The following RAB5C variants were observed in gnomAD, a reference collection of about 807,000 sequenced individuals.
RAB5C encodes ras-related protein Rab-5C.
A neutral mutation model predicts 25.2 loss-of-function variants in RAB5C; 4 were observed. The ratio of observed to expected loss-of-function variants is 0.16; its 90% confidence interval spans 0.08 to 0.36. The LOEUF (loss-of-function observed/expected upper bound fraction) is 0.36. Ranked by LOEUF, RAB5C falls within the 10% of genes least tolerant of loss-of-function variation. RAB5C has a pLI of 1.00. For missense variants in RAB5C, 199 were observed against 283.8 expected (o/e 0.70, Z 2.15); for synonymous variants, 100 against 106.4 (o/e 0.94, Z 0.37).
At chr17:42,132,174 G>A (rs1162017821) in intron 1 of RAB5C, among the ~76,000 whole-genome samples, 1 of 152,164 alleles carries the variant, frequency 6.6e-6, no homozygotes, top group Non-Finnish European at 1.5e-5. Flanking sequence ...ACCTCAAATC[G>A]TTTTCCACAT....
intron 1 of RAB5C, among the ~76,000 whole-genome samples, chr17:42,144,919 CCGTCTCAAAAAAAAAAA>C (rs2079623743): frequency 1.4e-5 from 1 of 73,180 alleles, no homozygotes; most frequent in Non-Finnish European, 2.9e-5. Context: ...GAGCCAGACT[CCGTCTCAAAAAAAAAAA>C]AAAAAAAAAA....
chr17:42,130,146 C>T (rs969720571), intron 2 of RAB5C, 191 bp downstream of exon 2: 16 of 692,586 alleles, frequency 2.3e-5, no homozygotes, highest in Non-Finnish European at 3.2e-5. Context: ...TGCTTACTAG[C>T]GATGCTTGAG....
chr17:42,125,952 A>C, intron 5 of RAB5C, 54 bp from the exon 6 acceptor site: 2 of 1,363,708 alleles, frequency 1.5e-6, no homozygotes, highest in Middle Eastern at 1.8e-4. Context: ...TAACTCTCCC[A>C]GTTCCACTGG....
chr17:42,149,185 GC>G (rs1445884214), intron 1 of RAB5C, among the ~76,000 whole-genome samples: 1 of 152,132 alleles, frequency 6.6e-6, no homozygotes, highest in Admixed American at 6.6e-5. Flanking sequence ...CTAAAGCAGT[GC>G]TTCTCAAACA....
chr17:42,130,693 GC>G, intron 1 of RAB5C, 103 bp from the exon 2 acceptor site: 1 of 1,386,782 alleles, frequency 7.2e-7, no homozygotes, highest in Non-Finnish European at 9.5e-7. Context: ...TGAAGACCTA[GC>G]TGACTGCTTC....
rs140009663 is a variant in RAB5C at position 42,150,632 on chromosome 17, G to A, written c.-89+4261C>T. ...CAGCACTCTGGGAGGCCGATGAGGC[G>A]GGCAGATCACCTCACCTGAGGTCAG... On this transcript the variant is annotated intron_variant, in intron 1 of 5. Transcript: ENST00000346213. 5.1e-4 allele frequency among the ~76,000 whole-genome samples: 77 copies of A among 150,190 alleles called. No homozygotes were observed. In the East Asian group the frequency reaches 6.7e-3, roughly 13 times the overall value.
Position 42,128,745 on chromosome 17 carries a change from G to C in RAB5C, c.222C>G (p.Ile74Met). The C allele has an allele frequency of 6.3e-7, 1 of 1,586,428 alleles. No homozygotes were observed. Among genetic ancestry groups the C allele is most frequent in the Non-Finnish European group, 8.6e-7 (1 of 1,167,008 alleles). ...ACCGCTCCTGTCCAGCTGTGTCCCA[G>C]ATCTCAAACTTGACTGTTGTGTCAT... ...CLDDTTVKFE[I>M]WDTAGQERYH... The change falls in exon 3 of 6, where the codon ATC becomes ATG. Residue 74 changes from isoleucine to methionine, a missense_variant. Transcript: ENST00000346213.
At chr17:42,129,080 T>C (rs1281830466) in intron 2 of RAB5C, among the ~76,000 whole-genome samples, 1 of 152,008 alleles carries the variant, frequency 6.6e-6, no homozygotes, top group Non-Finnish European at 1.5e-5. Context: ...GACCACTCTC[T>C]GAAGAGCAAC....
Position 42,130,463 on chromosome 17 carries a change from C to G in RAB5C, c.40G>C (p.Ala14Pro). The G allele has an allele frequency of 6.2e-7, 1 of 1,614,192 alleles. No individual in the cohort carries two copies. Among genetic ancestry groups the G allele is most frequent in the Non-Finnish European group, 8.5e-7 (1 of 1,180,024 alleles). ...AATTGACAGATCTTGTTCCCAGCAG[C>G]TGGTCCATTGGGTCGTGCTGCGCCT... The part of the protein sequence containing the change: ...RGGAARPNGP[A>P]AGNKICQFKL... Residue 14 changes from alanine to proline, a missense_variant, in exon 2 of 6, where the codon GCT becomes CCT. Around this residue, in one of 3 missense-constraint regions of RAB5C, gnomAD observed 21 missense variants for 20.2 expected, o/e 1.04. Coordinates refer to ENST00000346213, the MANE Select transcript of RAB5C (RefSeq NM_004583.4).
intron 1 of RAB5C, among the ~76,000 whole-genome samples, chr17:42,147,006 AAGAAAGAAAGAC>A (rs61382221): frequency 0.28 from 41,480 of 150,044 alleles, 7,947 homozygotes; most frequent in African/African-American, 0.55. Flanking sequence ...TCAAGAAAGA[AAGAAAGAAAGAC>A]AGAAAGAAAG....
chr17:42,136,164 G>C (rs150570487), intron 1 of RAB5C: 1 of 152,310 alleles, frequency 6.6e-6, no homozygotes, highest in Admixed American at 6.5e-5. Context: ...GAAGTAACTC[G>C]GTTCAAAGGC....
chr17:42,141,110 T>C (rs1264402178), intron 1 of RAB5C, among the ~76,000 whole-genome samples: 2 of 152,368 alleles, frequency 1.3e-5, no homozygotes, highest in East Asian at 1.9e-4. Context: ...ATTACAGGCA[T>C]GAGCCACTGT....
chr17:42,153,187 G>A (rs868548456), intron 1 of RAB5C, among the ~76,000 whole-genome samples: 33 of 152,274 alleles, frequency 2.2e-4, no homozygotes, highest in Middle Eastern at 3.4e-3. Flanking sequence ...AGGCTGAGGC[G>A]GGTGGATCAC....
intron 1 of RAB5C, 32 bp downstream of exon 1, chr17:42,154,861 G>C (rs2079696953): frequency 6.6e-6 from 1 of 152,462 alleles, no homozygotes; most frequent in Admixed American, 6.5e-5. Context: ...CAACGCAGGC[G>C]AGACACCAGG....
chr17:42,128,550 A>T, intron 3 of RAB5C, 99 bp downstream of exon 3: 1 of 567,914 alleles, frequency 1.8e-6, no homozygotes, highest in Non-Finnish European at 2.7e-6. Flanking sequence ...CCACCCAGGA[A>T]CAGAGGGTTA....
chr17:42,132,780 C>T (rs1046627181), intron 1 of RAB5C, among the ~76,000 whole-genome samples: 1 of 152,076 alleles, frequency 6.6e-6, no homozygotes, highest in Non-Finnish European at 1.5e-5. Flanking sequence ...GCAACCCTCC[C>T]GCCTCAGCTT....
chr17:42,139,356 G>T (rs903287747), intron 1 of RAB5C, among the ~76,000 whole-genome samples: 1 of 152,224 alleles, frequency 6.6e-6, no homozygotes, highest in Admixed American at 6.5e-5. Context: ...CCAGCCTACC[G>T]ATTCCAAAAG....
intron 1 of RAB5C, among the ~76,000 whole-genome samples, chr17:42,152,279 C>G (rs1028366546): frequency 6.0e-4 from 92 of 152,204 alleles, no homozygotes; most frequent in Middle Eastern, 3.4e-3. Flanking sequence ...AGTTTAACAG[C>G]CCTCTAATTG....
intron 1 of RAB5C, among the ~76,000 whole-genome samples, chr17:42,151,233 G>A (rs765909290): frequency 1.4e-4 from 21 of 152,272 alleles, no homozygotes; most frequent in Non-Finnish European, 2.5e-4. Flanking sequence ...TCAGGAGATC[G>A]AGACCATCCT....
Sources: gnomAD v4.1 joint callset for allele counts (sites outside exome capture counted in the v4.1 genomes callset) on GRCh38, gnomAD v4.1.1 for gene constraint, gnomAD v4.1.1 regional missense constraint, MANE v1.5 for transcripts, NCBI Gene and HGNC (gene_info 2026-07-23, HGNC 2026-07-21) for gene names.